HCN1: variants seen among roughly 807,000 people sequenced by gnomAD.
HCN1 encodes the protein hyperpolarization activated cyclic nucleotide gated potassium channel 1, also known as potassium/sodium hyperpolarization-activated cyclic nucleotide-gated channel 1.
In HCN1, 13 loss-of-function variants were observed where a neutral mutation model predicts 78.9. The observed-to-expected ratio is 0.16, with a 90% CI of 0.11 to 0.26. The LOEUF (loss-of-function observed/expected upper bound fraction) is 0.26, where lower values mean the gene tolerates loss of function less well. Ranked by LOEUF, HCN1 falls within the 10% of genes least tolerant of loss-of-function variation. The pLI is 1.00. For missense variants in HCN1, 810 were observed against 1,154.3 expected, an observed-to-expected ratio of 0.70 and a Z score of 4.32; for synonymous variants, 552 against 455.5, an observed-to-expected ratio of 1.21 and a Z score of -2.70.
intron 6 of HCN1, among the ~76,000 whole-genome samples, chr5:45,276,832 A>G (rs1270982585): frequency 1.3e-5 from 2 of 152,106 alleles, no homozygotes; most frequent in East Asian, 1.9e-4. Flanking sequence ...TAGACTTCAA[A>G]AAAGTGTAGA....
intron 5 of HCN1, among the ~76,000 whole-genome samples, chr5:45,312,666 C>G (rs1745878069): frequency 6.6e-6 from 1 of 152,214 alleles, no homozygotes; most frequent in South Asian, 2.1e-4. Flanking sequence ...TCACTCCCAC[C>G]CTAATACTGC....
chr5:45,373,365 A>G (rs1747475828), intron 4 of HCN1, among the ~76,000 whole-genome samples: 2 of 118,836 alleles, frequency 1.7e-5, no homozygotes, highest in South Asian at 2.4e-4. Context: ...TTATAAATAT[A>G]ATATATATTT....
chr5:45,649,099 A>G (rs1745628276), intron 1 of HCN1, among the ~76,000 whole-genome samples: 1 of 151,890 alleles, frequency 6.6e-6, no homozygotes, highest in Admixed American at 6.6e-5. Context: ...CTGGGTACAC[A>G]TACAGGAGAT....
chr5:45,332,246 C>A (rs1746359502), intron 5 of HCN1, among the ~76,000 whole-genome samples: 2 of 151,366 alleles, frequency 1.3e-5, no homozygotes, highest in South Asian at 4.1e-4. Flanking sequence ...TATTTTGGTA[C>A]AGTAATGCAG....
chr5:45,682,236 G>A (rs1239047118), intron 1 of HCN1, among the ~76,000 whole-genome samples: 1 of 141,134 alleles, frequency 7.1e-6, no homozygotes. Flanking sequence ...CAGCTCAAAA[G>A]AACTAAGACA....
chr5:45,481,709 T>C lies in HCN1; in HGVS notation c.850-19702A>G, dbSNP rs187127521. Among the ~76,000 whole-genome samples the C allele has an allele frequency of 4.6e-5, 7 of 152,294 alleles. No individual in the cohort carries two copies. In the East Asian group the frequency reaches 1.4e-3, roughly 29 times the overall value. On this transcript the variant is annotated intron_variant, in intron 2 of 7. Coordinates refer to ENST00000303230, the MANE Select transcript of HCN1 (RefSeq NM_021072.4). ...TGTGTCTGGGACAGACTGGCTTTCC[T>C]CTCTCGCTCCATACCACATGCACCT...
chr5:45,363,539 C>A (rs1260995725), intron 4 of HCN1, among the ~76,000 whole-genome samples: 5 of 151,908 alleles, frequency 3.3e-5, no homozygotes, highest in African/African-American at 4.8e-5. Flanking sequence ...CTAAAAAAAA[C>A]CTCAATAATA....
intron 4 of HCN1, among the ~76,000 whole-genome samples, chr5:45,390,874 C>G (rs1739541390): frequency 6.6e-6 from 1 of 152,070 alleles, no homozygotes; most frequent in Non-Finnish European, 1.5e-5. Flanking sequence ...CATTGTTGTA[C>G]CAGGAGCCTG....
intron 5 of HCN1, among the ~76,000 whole-genome samples, chr5:45,330,773 CCTA>C: frequency 2.0e-5 from 3 of 150,762 alleles, no homozygotes; most frequent in African/African-American, 7.3e-5. Context: ...TGTTTCTTGT[CCTA>C]CTAATGCATA....
intron 1 of HCN1, among the ~76,000 whole-genome samples, chr5:45,647,634 C>T (rs780908410): frequency 1.3e-5 from 2 of 152,120 alleles, no homozygotes; most frequent in African/African-American, 2.4e-5. Context: ...CCTCCTAATC[C>T]TCATAATCAG....
Position 45,539,509 on chromosome 5 carries a change from C to CA in HCN1, c.850-77503dup, listed in dbSNP as rs1218257024. Among the ~76,000 whole-genome samples, 20 of 150,338 alleles carry CA rather than the reference C, an allele frequency of 1.3e-4. 1 individual carries two copies. The highest frequency in any genetic ancestry group is 1.6e-4 in the Non-Finnish European group (11 of 67,492). On this transcript the variant is annotated intron_variant, in intron 2 of 7. Transcript: ENST00000303230. ...AACCCCGTCTCTACTACAAAAAACA[C>CA]AAAAAATTAGCCTGGCGTGGTGGCG...
At chr5:45,375,432 T>TGA (rs1747605983) in intron 4 of HCN1, among the ~76,000 whole-genome samples, 2 of 116,956 alleles carry the variant, frequency 1.7e-5, no homozygotes, top group Non-Finnish European at 3.2e-5. Context: ...ATGATACATA[T>TGA]TATATATAAG....
intron 2 of HCN1, among the ~76,000 whole-genome samples, chr5:45,540,967 A>C (rs1743091750): frequency 6.6e-6 from 1 of 152,178 alleles, no homozygotes; most frequent in Non-Finnish European, 1.5e-5. Context: ...CTTCTATATA[A>C]TGGAATACAA....
intron 1 of HCN1, among the ~76,000 whole-genome samples, chr5:45,674,060 A>T (rs1194138587): frequency 1.3e-5 from 2 of 151,444 alleles, no homozygotes; most frequent in African/African-American, 4.8e-5. Context: ...TAGTTATTAT[A>T]CTCAGCTTTC....
rs12381259 is a variant in HCN1 at position 45,446,935 on chromosome 5, T to G, written c.1011+14911A>C. Reference sequence around the variant, plus strand: ...CTGGTACCAGCCGCTGCAAAATCATTCCAAAATGTAAAGACCATCGAGACT... The same window carrying G: ...CTGGTACCAGCCGCTGCAAAATCATGCCAAAATGTAAAGACCATCGAGACT... On this transcript the variant is annotated intron_variant, in intron 3 of 7. Coordinates refer to ENST00000303230, the MANE Select transcript of HCN1 (RefSeq NM_021072.4). Among the ~76,000 whole-genome samples, 48 of 151,922 alleles carry G rather than the reference T, an allele frequency of 3.2e-4. No individual in the cohort carries two copies. In the East Asian group the frequency reaches 7.2e-3, roughly 23 times the overall value.
intron 4 of HCN1, among the ~76,000 whole-genome samples, chr5:45,372,235 TTA>T (rs1196657449): frequency 8.1e-4 from 60 of 73,798 alleles, no homozygotes; most frequent in African/African-American, 3.6e-3. Context: ...ATAATATATA[TTA>T]TATTTTATAT....
intron 2 of HCN1, among the ~76,000 whole-genome samples, chr5:45,626,756 G>T (rs1745170031): frequency 6.6e-6 from 1 of 152,052 alleles, no homozygotes; most frequent in African/African-American, 2.4e-5. Context: ...GAAAGGGTCA[G>T]CAGGGAATCA....
chr5:45,520,134 T>A (rs1009926015), intron 2 of HCN1, among the ~76,000 whole-genome samples: 1 of 152,046 alleles, frequency 6.6e-6, no homozygotes, highest in Non-Finnish European at 1.5e-5. Flanking sequence ...TGGTCCATTC[T>A]GTCACAGTAC....
intron 7 of HCN1, among the ~76,000 whole-genome samples, chr5:45,264,213 A>G (rs895515639): frequency 3.3e-5 from 5 of 152,048 alleles, no homozygotes; most frequent in Admixed American, 6.6e-5. Context: ...TCCCTCTAAG[A>G]CCTCAATAAA....
Sources: allele counts gnomAD v4.1 joint callset (sites outside exome capture counted in the v4.1 genomes callset), GRCh38; gene constraint gnomAD v4.1.1; transcripts MANE v1.5; gene names NCBI Gene and HGNC (gene_info 2026-07-23, HGNC 2026-07-21).